Variants in SRGAP2 observed in about 807,000 individuals in gnomAD.
SRGAP2 encodes the protein SLIT-ROBO Rho GTPase-activating protein 2.
SRGAP2 carries 15 observed loss-of-function variants against 57.2 expected under a neutral mutation model. That is an observed-to-expected ratio of 0.26 (90% CI 0.18 to 0.40). The LOEUF (loss-of-function observed/expected upper bound fraction) is 0.40, where lower values mean the gene tolerates loss of function less well. Ranked by LOEUF, SRGAP2 falls within the 10% of genes least tolerant of loss-of-function variation. The pLI, the probability that SRGAP2 is intolerant of heterozygous loss-of-function variation, is 1.00. For synonymous variants in SRGAP2, 249 were observed against 248.0 expected, an observed-to-expected ratio of 1.00 and a Z score of -0.04; for missense variants, 520 against 669.6, an observed-to-expected ratio of 0.78 and a Z score of 2.47.
At chr1:206,430,667 G>C (rs1661210275) in intron 14 of SRGAP2, among the ~76,000 whole-genome samples, 1 of 152,308 alleles carries the variant, frequency 6.6e-6, no homozygotes, top group Middle Eastern at 3.4e-3. Context: ...ATCAGTTTTT[G>C]TTCTGGTTTG....
chr1:206,426,157 C>T (rs970638410), intron 13 of SRGAP2, among the ~76,000 whole-genome samples: 5 of 152,136 alleles, frequency 3.3e-5, no homozygotes, highest in African/African-American at 1.2e-4. Flanking sequence ...CTCCAGAAAC[C>T]GTCATTCTAC....
chr1:206,292,452 T>A (rs1671381988), intron 2 of SRGAP2, among the ~76,000 whole-genome samples: 1 of 151,796 alleles, frequency 6.6e-6, no homozygotes, highest in Non-Finnish European at 1.5e-5. Context: ...CAACAGGAAC[T>A]GGGCAGACTG....
chr1:206,278,000 T>C, intron 2 of SRGAP2, among the ~76,000 whole-genome samples: 1 of 151,236 alleles, frequency 6.6e-6, no homozygotes, highest in East Asian at 1.9e-4. Flanking sequence ...GAGAATAAAA[T>C]AGAGTAGAAG....
intron 7 of SRGAP2, among the ~76,000 whole-genome samples, chr1:206,398,164 A>C (rs1657800145): frequency 6.6e-6 from 1 of 151,646 alleles, no homozygotes; most frequent in Admixed American, 6.6e-5. Context: ...ATCAGAAGCC[A>C]TGGAAAGCCT....
intron 10 of SRGAP2, among the ~76,000 whole-genome samples, chr1:206,412,137 A>T (rs551437814): frequency 6.6e-6 from 1 of 152,368 alleles, no homozygotes; most frequent in African/African-American, 2.4e-5. Context: ...TTTTAATGCA[A>T]CTAAAACGTC....
intron 4 of SRGAP2, among the ~76,000 whole-genome samples, chr1:206,370,208 G>T (rs555607926): frequency 6.6e-6 from 1 of 152,168 alleles, no homozygotes; most frequent in Admixed American, 6.5e-5. Context: ...GGAGCTTGCA[G>T]TGAGCAGAGA....
intron 2 of SRGAP2, among the ~76,000 whole-genome samples, chr1:206,229,931 T>TACACACACACACACACACACACAC (rs66901207): frequency 4.0e-4 from 57 of 141,734 alleles, no homozygotes; most frequent in African/African-American, 1.5e-3. Flanking sequence ...TACACATACA[T>TACACACACACACACACACACACAC]ACACACACAC....
At chr1:206,371,567 A>G (rs1174796573) in intron 4 of SRGAP2, among the ~76,000 whole-genome samples, 2 of 149,840 alleles carry the variant, frequency 1.3e-5, no homozygotes, top group East Asian at 4.0e-4. Flanking sequence ...CATCTCTACT[A>G]AAAATACAAA....
intron 4 of SRGAP2, among the ~76,000 whole-genome samples, chr1:206,369,171 C>A (rs1302411307): frequency 6.6e-6 from 1 of 151,904 alleles, no homozygotes; most frequent in Non-Finnish European, 1.5e-5. Context: ...TTAACAGATG[C>A]AAACTTTAAA....
Position 206,239,543 on chromosome 1 carries a change from C to T in SRGAP2, c.67+33506C>T, listed in dbSNP as rs1553308671. ...CATGATCTTGGCTCACTGCAACCTC[C>T]GCCTCCTGGGTTCAAGCAGTTCTTG... On this transcript the variant is annotated intron_variant, in intron 2 of 22. Transcript: ENST00000573034. Among the ~76,000 whole-genome samples, 3 of 152,042 alleles carry T rather than the reference C, an allele frequency of 2.0e-5. No homozygotes were observed. The East Asian group carries it at 5.8e-4, about 29-fold the overall frequency.
intron 2 of SRGAP2, chr1:206,214,360 G>A (rs1666507072): frequency 6.6e-6 from 1 of 151,456 alleles, no homozygotes. Flanking sequence ...GGAAAAAGAT[G>A]TTACTAGTAT....
chr1:206,451,836 G>A (rs1327060080), intron 19 of SRGAP2, among the ~76,000 whole-genome samples: 1 of 152,232 alleles, frequency 6.6e-6, no homozygotes, highest in African/African-American at 2.4e-5. Context: ...AGAACTAACT[G>A]AGGTGGGTAT....
intron 2 of SRGAP2, among the ~76,000 whole-genome samples, chr1:206,252,979 G>A (rs1429162366): frequency 7.2e-6 from 1 of 139,338 alleles, no homozygotes; most frequent in Non-Finnish European, 1.5e-5. Flanking sequence ...CCTGGCAGCC[G>A]GCATTGCTGT....
In SRGAP2 at chr1:206,222,958, GA is replaced by G. The variant is rs1236852719; in HGVS notation, c.67+16922del. 3.3e-5 allele frequency among the ~76,000 whole-genome samples: 5 copies of G among 151,292 alleles called. No individual in the cohort carries two copies. The East Asian group carries it at 8.1e-4, about 24-fold the overall frequency. The stretch of plus-strand genomic sequence containing the variant: ...TGGGCCAATTTTTGTATTTTCAGTA[GA>G]GACGGGGTTTCACTGTGTTGGCCAG... On this transcript the variant is annotated intron_variant, in intron 2 of 22. Transcript: ENST00000573034.
chr1:206,307,109 G>A (rs1193207657), intron 3 of SRGAP2, among the ~76,000 whole-genome samples: 39 of 151,972 alleles, frequency 2.6e-4, no homozygotes, highest in Middle Eastern at 3.4e-3. Flanking sequence ...ACAGAGTGTC[G>A]ATTGGTGCAC....
At chr1:206,415,344 C>T (rs1277480305) in intron 10 of SRGAP2, among the ~76,000 whole-genome samples, 3 of 152,160 alleles carry the variant, frequency 2.0e-5, no homozygotes, top group Non-Finnish European at 2.9e-5. Context: ...CTCAGAAATC[C>T]GAAGCTTTCC....
intron 2 of SRGAP2, among the ~76,000 whole-genome samples, chr1:206,256,901 T>C (rs1226292655): frequency 6.6e-6 from 1 of 150,638 alleles, no homozygotes; most frequent in East Asian, 2.0e-4. Context: ...ATTGTGCTAG[T>C]TGTTGTACTC....
chr1:206,427,111 G>T (rs11120009), intron 13 of SRGAP2, among the ~76,000 whole-genome samples: 10,129 of 151,830 alleles, frequency 0.067, 643 homozygotes, highest in African/African-American at 0.16. Flanking sequence ...GTCTTACATT[G>T]AAGTCTTTAA....
rs782452218 is a variant in SRGAP2, at chr1:206,460,997, C to T, written c.2833-40C>T. The T allele has an allele frequency of 6.0e-6, 4 of 665,488 alleles. No individual in the cohort carries two copies. The African/African-American group carries it at 7.2e-5, about 12-fold the overall frequency. 41.2% of individuals were successfully genotyped at this position (665,488 alleles called of 1,614,324 possible). ...GAAACCGGCTCCTTGGGGAATTCTC[C>T]CCTCATTTGCCTCACCTCCTCCTTT... On this transcript the variant is annotated intron_variant, in intron 22 of 22. Coordinates refer to ENST00000573034, the MANE Select transcript of SRGAP2 (RefSeq NM_015326.5).
Sources: gnomAD v4.1 joint callset for allele counts (sites outside exome capture counted in the v4.1 genomes callset) on GRCh38, gnomAD v4.1.1 for gene constraint, MANE v1.5 for transcripts, NCBI Gene and HGNC (gene_info 2026-07-23, HGNC 2026-07-21) for gene names.